Variants in NRG1 observed in about 807,000 individuals in gnomAD.
NRG1 encodes the protein pro-neuregulin-1, membrane-bound isoform.
NRG1 carries 18 observed loss-of-function variants against 63.8 expected under a neutral mutation model. That is an observed-to-expected ratio of 0.28 (90% CI 0.19 to 0.42). NRG1 has a LOEUF of 0.42. NRG1 is among the 10% of genes least tolerant of loss of function. The pLI is 1.00. For synonymous variants in NRG1, 302 were observed against 301.3 expected (o/e 1.00, Z -0.02); for missense variants, 762 against 814.7 (o/e 0.94, Z 0.79).
At chr8:32,095,762 A>G (rs1829825246) in intron 1 of NRG1, among the ~76,000 whole-genome samples, 1 of 152,182 alleles carries the variant, frequency 6.6e-6, no homozygotes, top group South Asian at 2.1e-4. Flanking sequence ...ACAAATATCG[A>G]CTCAGTACAG....
chr8:32,234,210 G>T (rs943446582), intron 1 of NRG1, among the ~76,000 whole-genome samples: 7 of 152,168 alleles, frequency 4.6e-5, no homozygotes, highest in Middle Eastern at 3.4e-3. Context: ...CTACCTTTAT[G>T]TACATTTACA....
chr8:31,854,241 C>G (rs1295061156), intron 1 of NRG1, among the ~76,000 whole-genome samples: 1 of 151,834 alleles, frequency 6.6e-6, no homozygotes, highest in Admixed American at 6.6e-5. Context: ...CCATCTGGTC[C>G]TGGACTCTTT....
At chr8:31,762,211 A>G (rs1048152846) in intron 1 of NRG1, among the ~76,000 whole-genome samples, 2 of 152,126 alleles carry the variant, frequency 1.3e-5, no homozygotes, top group Non-Finnish European at 2.9e-5. Flanking sequence ...CCTTCCCTCA[A>G]CAGGCCCTGA....
At chr8:32,061,663 A>AT (rs1198320935) in intron 1 of NRG1, 1 of 151,740 alleles carries the variant, frequency 6.6e-6, no homozygotes, top group East Asian at 1.9e-4. Context: ...CCTAATGTAC[A>AT]TTTTTTCTCT....
intron 1 of NRG1, among the ~76,000 whole-genome samples, chr8:31,948,249 C>G (rs755257466): frequency 6.6e-6 from 1 of 152,090 alleles, no homozygotes; most frequent in Non-Finnish European, 1.5e-5. Flanking sequence ...GCACCTTGCA[C>G]TTTAGCTATA....
chr8:32,433,809 A>G (rs1689738854), intron 1 of NRG1, among the ~76,000 whole-genome samples: 1 of 152,172 alleles, frequency 6.6e-6, no homozygotes, highest in African/African-American at 2.4e-5. Context: ...GGAGTAGGAA[A>G]TATTTCTCAT....
chr8:32,481,903 G>T (rs1825333132), intron 1 of NRG1, among the ~76,000 whole-genome samples: 1 of 152,206 alleles, frequency 6.6e-6, no homozygotes, highest in Non-Finnish European at 1.5e-5. Flanking sequence ...TGCCCAGCTT[G>T]TTGGGGGGTT....
At chr8:32,203,674 T>A (rs1843726804) in intron 1 of NRG1, among the ~76,000 whole-genome samples, 1 of 152,164 alleles carries the variant, frequency 6.6e-6, no homozygotes, top group Non-Finnish European at 1.5e-5. Context: ...ATTCATTCAT[T>A]TATTCATTCA....
intron 1 of NRG1, among the ~76,000 whole-genome samples, chr8:32,520,801 C>A (rs1230326467): frequency 6.6e-6 from 1 of 152,196 alleles, no homozygotes; most frequent in Non-Finnish European, 1.5e-5. Context: ...GTGCACTATT[C>A]TGAGTAGAGT....
In NRG1 at chr8:31,917,598, G is replaced by C. The variant is rs978196768; in HGVS notation, c.37+278167G>C. ...TTTGGTACCAGTACCATGCTGTTTT[G>C]GTTACTGTAGCCTTGTAGTATAGTT... On this transcript the variant is annotated intron_variant, in intron 1 of 10. Coordinates refer to the NRG1 transcript ENST00000519301. Among the ~76,000 whole-genome samples, 15 of 152,096 alleles carry C rather than the reference G, an allele frequency of 9.9e-5. No individual in the cohort carries two copies. The East Asian group carries it at 1.7e-3, about 18-fold the overall frequency.
At chr8:32,376,617 C>T (rs941939587) in intron 1 of NRG1, among the ~76,000 whole-genome samples, 1 of 152,150 alleles carries the variant, frequency 6.6e-6, no homozygotes, top group Non-Finnish European at 1.5e-5. Flanking sequence ...GGCTAAATTC[C>T]CTGCCCTGAG....
At chr8:32,165,797 A>G (rs986579633) in intron 1 of NRG1, among the ~76,000 whole-genome samples, 12 of 152,138 alleles carry the variant, frequency 7.9e-5, no homozygotes, top group Admixed American at 6.5e-5. Flanking sequence ...ATAACCCATA[A>G]TATCTCCTGA....
intron 1 of NRG1, among the ~76,000 whole-genome samples, chr8:31,727,989 G>C (rs76699405): frequency 1.4e-4 from 22 of 152,256 alleles, no homozygotes; most frequent in African/African-American, 5.3e-4. Context: ...GATGATTCAC[G>C]TCCCGGGTAG....
At chr8:31,673,291 C>A (rs916333819) in intron 1 of NRG1, among the ~76,000 whole-genome samples, 1 of 152,136 alleles carries the variant, frequency 6.6e-6, no homozygotes, top group Non-Finnish European at 1.5e-5. Context: ...CACTGATTCT[C>A]TTTCCACTCT....
rs566756940 is a variant in NRG1 at position 31,987,126 on chromosome 8, C to T, written c.37+347695C>T. On this transcript the variant is annotated intron_variant, in intron 1 of 10. Coordinates refer to the NRG1 transcript ENST00000519301. Reference sequence around the variant, plus strand: ...CATCCTGGCCAGCATGGTGAAACCCCGCCTTTACTACAGATACAAAAATTA... The same window carrying T: ...CATCCTGGCCAGCATGGTGAAACCCTGCCTTTACTACAGATACAAAAATTA... 3.3e-5 allele frequency among the ~76,000 whole-genome samples: 5 copies of T among 151,888 alleles called. No homozygotes were observed. In the East Asian group the frequency reaches 5.9e-4, roughly 18 times the overall value.
intron 1 of NRG1, among the ~76,000 whole-genome samples, chr8:32,535,337 G>A (rs1472315427): frequency 1.3e-5 from 2 of 152,068 alleles, no homozygotes; most frequent in Non-Finnish European, 2.9e-5. Context: ...ATATGTTTTC[G>A]AGTTAAATTG....
intron 1 of NRG1, among the ~76,000 whole-genome samples, chr8:32,257,236 T>C (rs941985782): frequency 6.6e-6 from 1 of 152,124 alleles, no homozygotes; most frequent in African/African-American, 2.4e-5. Context: ...GTGGGTGGGA[T>C]CCGCTGAGCT....
At chr8:32,760,452 A>G (rs763056958) in intron 11 of NRG1, 46 bp downstream of exon 11, 106 of 1,609,436 alleles carry the variant, frequency 6.6e-5, no homozygotes, top group Middle Eastern at 2.2e-4. Flanking sequence ...ACTCAGTCAG[A>G]GAATCCCTGT....
intron 1 of NRG1, among the ~76,000 whole-genome samples, chr8:31,664,844 A>G (rs534914029): frequency 1.3e-5 from 2 of 152,316 alleles, no homozygotes; most frequent in Non-Finnish European, 2.9e-5. Context: ...GGTACTATGG[A>G]AGATAAAGTG....
Sources: gnomAD v4.1 joint callset for allele counts (sites outside exome capture counted in the v4.1 genomes callset) on GRCh38, gnomAD v4.1.1 for gene constraint, MANE v1.5 for transcripts, NCBI Gene and HGNC (gene_info 2026-07-23, HGNC 2026-07-21) for gene names.